The following PCCA variants were observed in gnomAD, a reference collection of about 807,000 sequenced individuals.
PCCA encodes the protein propionyl-CoA carboxylase alpha chain, mitochondrial.
Under a neutral mutation model 101.3 loss-of-function variants are expected in PCCA, and 74 were observed. The ratio of observed to expected loss-of-function variants is 0.73; its 90% CI spans 0.61 to 0.89. The LOEUF (loss-of-function observed/expected upper bound fraction) is 0.89, where lower values mean the gene tolerates loss of function less well. Among genes scored for constraint, PCCA ranks in the 40% least tolerant of loss-of-function variants. PCCA has a pLI of 0.00. For synonymous variants in PCCA, 294 were observed against 313.6 expected (o/e 0.94, Z 0.66); for missense variants, 891 against 907.0 (o/e 0.98, Z 0.23).
At chr13:100,435,304 A>G (rs1260601714) in intron 20 of PCCA, among the ~76,000 whole-genome samples, 2 of 151,724 alleles carry the variant, frequency 1.3e-5, no homozygotes, top group African/African-American at 4.8e-5. Context: ...GAGGTGCCCC[A>G]CTCTTTTAAA....
At chr13:100,336,951 C>T (rs1286542021) in intron 17 of PCCA, among the ~76,000 whole-genome samples, 1 of 152,162 alleles carries the variant, frequency 6.6e-6, no homozygotes, top group African/African-American at 2.4e-5. Flanking sequence ...GCTCTCAGTC[C>T]TTCTGCCTCC....
intron 12 of PCCA, among the ~76,000 whole-genome samples, chr13:100,291,555 C>A (rs2065124805): frequency 6.6e-6 from 1 of 152,204 alleles, no homozygotes; most frequent in African/African-American, 2.4e-5. Flanking sequence ...TCTGTGTAAT[C>A]ATTATTCTGA....
intron 21 of PCCA, among the ~76,000 whole-genome samples, chr13:100,484,544 C>T (rs1042327338): frequency 2.0e-5 from 3 of 152,190 alleles, no homozygotes; most frequent in African/African-American, 7.2e-5. Flanking sequence ...GAGATAAAAG[C>T]TGGACTGAAG....
At chr13:100,317,115 TGC>T (rs1389769556) in intron 16 of PCCA, among the ~76,000 whole-genome samples, 2 of 152,180 alleles carry the variant, frequency 1.3e-5, no homozygotes, top group Non-Finnish European at 2.9e-5. Context: ...CTTACTGTTT[TGC>T]AAAAACACTT....
intron 19 of PCCA, among the ~76,000 whole-genome samples, chr13:100,391,437 G>C (rs2076796038): frequency 6.6e-6 from 1 of 152,134 alleles, no homozygotes; most frequent in Non-Finnish European, 1.5e-5. Flanking sequence ...TGTTGAGGCT[G>C]GGAGCAAGAA....
chr13:100,098,964 C>T (rs555822054), intron 1 of PCCA, among the ~76,000 whole-genome samples: 1 of 152,128 alleles, frequency 6.6e-6, no homozygotes, highest in Non-Finnish European at 1.5e-5. Context: ...TGATGAAATA[C>T]CGTGTCATAA....
chr13:100,289,804 T>G (rs1595140893), intron 12 of PCCA, among the ~76,000 whole-genome samples: 1 of 152,306 alleles, frequency 6.6e-6, no homozygotes, highest in South Asian at 2.1e-4. Flanking sequence ...CTATTTTTAG[T>G]TTATCTCTTC....
At position 100,206,520 on chromosome 13, in the gene PCCA, A is replaced by G. The variant is rs532789541; in HGVS notation, c.469-2812A>G. Among the ~76,000 whole-genome samples the G allele has an allele frequency of 3.3e-5, 5 of 152,274 alleles. No individual in the cohort carries two copies. The East Asian group carries it at 9.6e-4, about 29-fold the overall frequency. ...GGTGATCTGCCTGCCTTGGCCTCCC[A>G]AAGTGCTGGGATTACAGGTGTGAGC... On this transcript the variant is annotated intron_variant, in intron 6 of 23. Coordinates refer to ENST00000376285, the MANE Select transcript of PCCA (RefSeq NM_000282.4).
intron 20 of PCCA, among the ~76,000 whole-genome samples, chr13:100,448,103 T>G (rs1243804086): frequency 6.6e-6 from 1 of 152,226 alleles, no homozygotes; most frequent in African/African-American, 2.4e-5. Context: ...GTGTGTAGTC[T>G]TTGAAGTCAC....
At chr13:100,330,793 G>A (rs957440686) in intron 17 of PCCA, 122 bp downstream of exon 17, 6 of 671,866 alleles carry the variant, frequency 8.9e-6, no homozygotes, top group Non-Finnish European at 1.6e-5. Context: ...TTCATTTTTA[G>A]AACATGCAAG....
intron 6 of PCCA, among the ~76,000 whole-genome samples, chr13:100,158,887 A>G (rs1391222243): frequency 2.0e-5 from 3 of 151,928 alleles, no homozygotes; most frequent in East Asian, 1.9e-4. Flanking sequence ...TACTTTTTCT[A>G]TGGTCCTTTA....
intron 22 of PCCA, among the ~76,000 whole-genome samples, chr13:100,525,127 C>T (rs1018611511): frequency 1.3e-4 from 19 of 151,184 alleles, no homozygotes; most frequent in African/African-American, 3.7e-4. Context: ...GAATGAAAGG[C>T]GGATGGAGCA....
At chr13:100,129,729 A>G (rs1291690152) in intron 4 of PCCA, among the ~76,000 whole-genome samples, 2 of 152,228 alleles carry the variant, frequency 1.3e-5, no homozygotes, top group Non-Finnish European at 2.9e-5. Context: ...AGTGAGCTGT[A>G]GTTGCAGACA....
intron 21 of PCCA, among the ~76,000 whole-genome samples, chr13:100,492,346 G>A (rs1239235671): frequency 6.6e-6 from 1 of 152,118 alleles, no homozygotes; most frequent in Non-Finnish European, 1.5e-5. Context: ...GTGTTAGCCA[G>A]GATGGTTTCG....
chr13:100,369,161 C>T (rs1189144689), intron 19 of PCCA, among the ~76,000 whole-genome samples: 1 of 152,076 alleles, frequency 6.6e-6, no homozygotes, highest in African/African-American at 2.4e-5. Flanking sequence ...TCCGAGTGTG[C>T]CAGAAAAATA....
At position 100,267,498 on chromosome 13, in the gene PCCA, A is replaced by G. The variant is rs541266309; in HGVS notation, c.820-1191A>G. Among the ~76,000 whole-genome samples the G allele has an allele frequency of 5.9e-5, 9 of 152,316 alleles. No homozygotes were observed. In the South Asian group the frequency reaches 1.9e-3, roughly 32 times the overall value. On this transcript the variant is annotated intron_variant, in intron 10 of 23. Transcript: ENST00000376285. ...TTCAGAAGCCATATCAAATATTAAGATTGATATTATCTGCTATTTATAATG... is the reference window on the plus strand; with the variant it reads ...TTCAGAAGCCATATCAAATATTAAGGTTGATATTATCTGCTATTTATAATG...
chr13:100,107,517 G>A (rs774184092), intron 2 of PCCA, among the ~76,000 whole-genome samples: 4 of 151,724 alleles, frequency 2.6e-5, no homozygotes, highest in African/African-American at 4.8e-5. Flanking sequence ...GCAAAACCCC[G>A]TCTCTTAAGA....
chr13:100,364,890 T>TA (rs920926551), intron 18 of PCCA, among the ~76,000 whole-genome samples: 7 of 150,460 alleles, frequency 4.7e-5, no homozygotes, highest in East Asian at 3.9e-4. Context: ...CCCCATCTCT[T>TA]AAAAAAAAAG....
chr13:100,327,067 A>T (rs1283351586), intron 16 of PCCA, among the ~76,000 whole-genome samples: 1 of 152,150 alleles, frequency 6.6e-6, no homozygotes, highest in Non-Finnish European at 1.5e-5. Context: ...AAAATGACTT[A>T]TTGAGGTATA....
Sources: gnomAD v4.1 joint callset for allele counts (sites outside exome capture counted in the v4.1 genomes callset) on GRCh38, gnomAD v4.1.1 for gene constraint, MANE v1.5 for transcripts, NCBI Gene and HGNC (gene_info 2026-07-23, HGNC 2026-07-21) for gene names.